GAB1: variants seen among roughly 807,000 people sequenced by gnomAD.
GAB1 encodes GRB2 associated binding protein 1.
GAB1 carries 19 observed loss-of-function variants against 66.5 expected under a neutral mutation model. That is an observed-to-expected ratio of 0.29 (90% CI 0.20 to 0.42). The LOEUF is 0.42. GAB1 is among the 10% of genes least tolerant of loss of function. The pLI is 1.00. For synonymous variants in GAB1, 294 were observed against 301.4 expected, an observed-to-expected ratio of 0.98 and a Z score of 0.25; for missense variants, 732 against 858.5, an observed-to-expected ratio of 0.85 and a Z score of 1.84.
chr4:143,350,701 AAGAC>A (rs1729171315), intron 1 of GAB1, among the ~76,000 whole-genome samples: 2 of 151,468 alleles, frequency 1.3e-5, no homozygotes, highest in African/African-American at 4.8e-5. Context: ...AAAAAAAAGA[AAGAC>A]TTTGTATTTT....
Position 143,472,794 on chromosome 4 carries a change from C to T in GAB1, c.*3605C>T, listed in dbSNP as rs1736141004. The T allele has an allele frequency of 6.6e-6, 1 of 152,092 alleles. No homozygotes were observed. Among genetic ancestry groups the T allele is most frequent in the South Asian group, 2.1e-4 (1 of 4,830 alleles). The allele number at this position is 152,092 out of a possible 1,614,324, so 9.4% of individuals were successfully genotyped here. ...GACATATGAACAAATTAAGTGGATA[C>T]ACACAGTGAGAAAGATACATGCATT... On this transcript the variant is annotated 3_prime_UTR_variant, in exon 10 of 10. Transcript: ENST00000262994.
At chr4:143,349,749 G>T in intron 1 of GAB1, 5 of 1,588,736 alleles carry the variant, frequency 3.1e-6, no homozygotes, top group Non-Finnish European at 4.3e-6. Flanking sequence ...CCAGACCGAC[G>T]TGGCCATTGT....
intron 1 of GAB1, among the ~76,000 whole-genome samples, chr4:143,347,821 T>C (rs1421155269): frequency 6.6e-6 from 1 of 152,230 alleles, no homozygotes; most frequent in Non-Finnish European, 1.5e-5. Flanking sequence ...AAAGATGGAT[T>C]CAGTTTTCAA....
intron 6 of GAB1, among the ~76,000 whole-genome samples, chr4:143,445,787 T>A (rs1164856547): frequency 6.6e-6 from 1 of 152,178 alleles, no homozygotes; most frequent in Non-Finnish European, 1.5e-5. Flanking sequence ...TGATTTGTTT[T>A]TTTGTTTGTT....
intron 8 of GAB1, among the ~76,000 whole-genome samples, chr4:143,463,949 A>T (rs968078435): frequency 6.6e-6 from 1 of 152,228 alleles, no homozygotes. Flanking sequence ...TTACAAATTT[A>T]TGCATTTCTT....
intron 1 of GAB1, among the ~76,000 whole-genome samples, chr4:143,369,113 T>C (rs1730008436): frequency 1.3e-5 from 2 of 152,142 alleles, no homozygotes; most frequent in African/African-American, 4.8e-5. Flanking sequence ...GTAATTGTTT[T>C]ATTTTTTAGT....
chr4:143,389,101 G>A (rs1364929541), intron 1 of GAB1, among the ~76,000 whole-genome samples: 1 of 152,242 alleles, frequency 6.6e-6, no homozygotes, highest in Non-Finnish European at 1.5e-5. Flanking sequence ...TATACTCACA[G>A]AAGGTGGTAT....
intron 2 of GAB1, among the ~76,000 whole-genome samples, chr4:143,430,201 G>T (rs1386446486): frequency 6.6e-6 from 1 of 152,046 alleles, no homozygotes; most frequent in Admixed American, 6.6e-5. Flanking sequence ...TTTTGAAGAG[G>T]ATCAAAACAA....
rs369226376 is a variant in GAB1, at chr4:143,426,587, G to T, written c.368-6904G>T. Among the ~76,000 whole-genome samples the T allele has an allele frequency of 7.2e-5, 11 of 152,084 alleles. No homozygotes were observed. The East Asian group carries it at 1.3e-3, about 19-fold the overall frequency. ...TAATAAAACAAACAGAGCGCTCAGT[G>T]AGTGTCTGCCCTGTGAATGAAACAT... On this transcript the variant is annotated intron_variant, in intron 2 of 9. Transcript: ENST00000262994.
chr4:143,464,197 A>AT (rs1174911976), intron 8 of GAB1, among the ~76,000 whole-genome samples: 3 of 152,048 alleles, frequency 2.0e-5, no homozygotes, highest in African/African-American at 4.8e-5. Context: ...ACTTGCTTAT[A>AT]TTTTTTGTGC....
chr4:143,388,445 C>T (rs1474606345), intron 1 of GAB1, among the ~76,000 whole-genome samples: 2 of 152,174 alleles, frequency 1.3e-5, no homozygotes, highest in East Asian at 1.9e-4. Flanking sequence ...GACAGAGTCT[C>T]GCTCTGTCGC....
intron 6 of GAB1, among the ~76,000 whole-genome samples, chr4:143,445,511 G>A (rs1734460815): frequency 6.6e-6 from 1 of 152,058 alleles, no homozygotes; most frequent in Admixed American, 6.6e-5. Context: ...TGCATAGTTT[G>A]TGCATATTTT....
At chr4:143,378,315 G>A (rs1035862866) in intron 1 of GAB1, among the ~76,000 whole-genome samples, 4 of 152,156 alleles carry the variant, frequency 2.6e-5, no homozygotes, top group East Asian at 1.9e-4. Context: ...AATCATACTC[G>A]CAAGCCTCAG....
chr4:143,356,456 G>A (rs1729450959), intron 1 of GAB1, among the ~76,000 whole-genome samples: 2 of 137,772 alleles, frequency 1.5e-5, no homozygotes, highest in South Asian at 2.3e-4. Flanking sequence ...AATGTAAATG[G>A]TTAATGCTTG....
intron 1 of GAB1, among the ~76,000 whole-genome samples, chr4:143,415,092 C>G (rs1263620360): frequency 6.6e-6 from 1 of 152,154 alleles, no homozygotes; most frequent in East Asian, 1.9e-4. Flanking sequence ...CTTTTTATGA[C>G]TGGCTTATTT....
At chr4:143,439,711 G>C in intron 4 of GAB1, 91 bp from the exon 5 acceptor site, 1 of 820,850 alleles carries the variant, frequency 1.2e-6, no homozygotes, top group Admixed American at 2.0e-5. Context: ...GTATGCATAT[G>C]TATAATGAGA....
At chr4:143,370,691 C>G (rs1373262256) in intron 1 of GAB1, among the ~76,000 whole-genome samples, 1 of 152,118 alleles carries the variant, frequency 6.6e-6, no homozygotes, top group East Asian at 1.9e-4. Flanking sequence ...AATGCTATCT[C>G]TCCCCGCTCC....
At chr4:143,431,912 C>G (rs891655615) in intron 2 of GAB1, among the ~76,000 whole-genome samples, 1 of 151,948 alleles carries the variant, frequency 6.6e-6, no homozygotes, top group Admixed American at 6.6e-5. Flanking sequence ...TTTTCCTTAT[C>G]ATTCTTGGTC....
intron 4 of GAB1, 108 bp downstream of exon 4, chr4:143,438,708 A>T: frequency 8.3e-7 from 1 of 1,206,366 alleles, no homozygotes; most frequent in Non-Finnish European, 1.2e-6. Flanking sequence ...TACAAAATAC[A>T]GTCCATTTTT....
Sources: gnomAD v4.1 joint callset for allele counts (sites outside exome capture counted in the v4.1 genomes callset) on GRCh38, gnomAD v4.1.1 for gene constraint, MANE v1.5 for transcripts, NCBI Gene and HGNC (gene_info 2026-07-23, HGNC 2026-07-21) for gene names.